Variants in IMMP2L observed in about 807,000 individuals in gnomAD.
IMMP2L encodes the protein inner mitochondrial membrane peptidase subunit 2, also known as mitochondrial inner membrane protease subunit 2.
A neutral mutation model predicts 19.3 loss-of-function variants in IMMP2L; 18 were observed. The ratio of observed to expected loss-of-function variants is 0.93; its 90% CI spans 0.64 to 1.38. The LOEUF is 1.38. IMMP2L is among the 40% of genes most tolerant of loss of function. The pLI is 0.00. For synonymous variants in IMMP2L, 76 were observed against 73.0 expected (o/e 1.04, Z -0.21); for missense variants, 233 against 218.2 (o/e 1.07, Z -0.43).
chr7:111,362,085 G>T (rs769458239), intron 3 of IMMP2L, among the ~76,000 whole-genome samples: 3 of 151,838 alleles, frequency 2.0e-5, no homozygotes, highest in Non-Finnish European at 2.9e-5. Flanking sequence ...AGTCTTTTAA[G>T]AGTACCAAAG....
At chr7:111,446,669 C>T (rs933512698) in intron 3 of IMMP2L, among the ~76,000 whole-genome samples, 7 of 152,220 alleles carry the variant, frequency 4.6e-5, no homozygotes, top group South Asian at 2.1e-4. Flanking sequence ...TCCAAAGGAA[C>T]GCAGTTCCTC....
intron 3 of IMMP2L, among the ~76,000 whole-genome samples, chr7:111,128,792 G>A (rs1211491144): frequency 6.6e-6 from 1 of 152,120 alleles, no homozygotes; most frequent in African/African-American, 2.4e-5. Context: ...ACCACTGCAT[G>A]CCACGCTGGC....
chr7:110,998,896 A>G (rs2129560832), intron 3 of IMMP2L, among the ~76,000 whole-genome samples: 1 of 152,286 alleles, frequency 6.6e-6, no homozygotes, highest in South Asian at 2.1e-4. Flanking sequence ...ACAAACTTAC[A>G]GCAATCTTCA....
intron 3 of IMMP2L, among the ~76,000 whole-genome samples, chr7:111,166,899 C>A (rs933054715): frequency 6.6e-6 from 1 of 151,962 alleles, no homozygotes; most frequent in African/African-American, 2.4e-5. Context: ...TAGAGCCCAC[C>A]TGGATAATCC....
At chr7:111,561,509 T>C (rs1396706511) in intron 1 of IMMP2L, among the ~76,000 whole-genome samples, 1 of 152,040 alleles carries the variant, frequency 6.6e-6, no homozygotes, top group Non-Finnish European at 1.5e-5. Context: ...CAGGGATTAG[T>C]CAAAGCTGGC....
At chr7:111,235,797 A>C (rs1201150088) in intron 3 of IMMP2L, among the ~76,000 whole-genome samples, 1 of 151,844 alleles carries the variant, frequency 6.6e-6, no homozygotes, top group African/African-American at 2.4e-5. Context: ...CCTCCTCTTC[A>C]GCAACTTGAA....
chr7:111,402,991 A>ACCCCCCCCC (rs781654530), intron 3 of IMMP2L, among the ~76,000 whole-genome samples: 2 of 45,504 alleles, frequency 4.4e-5, no homozygotes, highest in African/African-American at 1.1e-4. Context: ...TGCAGCCTTG[A>ACCCCCCCCC]CCCCCCCCCC....
intron 3 of IMMP2L, among the ~76,000 whole-genome samples, chr7:111,218,927 C>T (rs1812239115): frequency 6.6e-6 from 1 of 151,786 alleles, no homozygotes; most frequent in Admixed American, 6.6e-5. Flanking sequence ...TCTTAAAATC[C>T]CAGAGTTCTG....
chr7:111,503,938 C>A (rs1023132147), intron 2 of IMMP2L, among the ~76,000 whole-genome samples: 4 of 152,146 alleles, frequency 2.6e-5, no homozygotes, highest in African/African-American at 9.6e-5. Flanking sequence ...TCTCACCACT[C>A]CTATTCAACA....
chr7:110,916,923 A>AT (rs1813674675), intron 4 of IMMP2L, among the ~76,000 whole-genome samples: 1 of 152,196 alleles, frequency 6.6e-6, no homozygotes, highest in Non-Finnish European at 1.5e-5. Context: ...TGCAGTTGGT[A>AT]TAGTGGTCCC....
intron 3 of IMMP2L, among the ~76,000 whole-genome samples, chr7:111,272,053 T>C (rs1039781148): frequency 1.3e-5 from 2 of 152,178 alleles, no homozygotes; most frequent in African/African-American, 4.8e-5. Context: ...CTGTTTTCTG[T>C]AATGCAGACA....
chr7:111,332,748 T>G (rs778351951), intron 3 of IMMP2L, among the ~76,000 whole-genome samples: 3 of 152,068 alleles, frequency 2.0e-5, no homozygotes, highest in Non-Finnish European at 4.4e-5. Flanking sequence ...TCACAAAAAC[T>G]GATCATATAT....
At chr7:110,875,619 C>T (rs75075410) in intron 5 of IMMP2L, among the ~76,000 whole-genome samples, 138 of 152,218 alleles carry the variant, frequency 9.1e-4, no homozygotes, top group African/African-American at 3.2e-3. Flanking sequence ...CATTTGCCTG[C>T]AGCTTCCCAG....
chr7:111,115,634 C>T (rs1282678390), intron 3 of IMMP2L, among the ~76,000 whole-genome samples: 3 of 151,612 alleles, frequency 2.0e-5, no homozygotes, highest in South Asian at 4.2e-4. Context: ...GAGACATTTG[C>T]AATTATTTTT....
At chr7:111,054,429 C>T (rs1166652608) in intron 3 of IMMP2L, among the ~76,000 whole-genome samples, 6 of 152,168 alleles carry the variant, frequency 3.9e-5, no homozygotes, top group African/African-American at 1.4e-4. Flanking sequence ...CCAATTAAAC[C>T]ATTTGCAGTC....
intron 3 of IMMP2L, among the ~76,000 whole-genome samples, chr7:110,967,723 GT>G (rs1332730308): frequency 6.6e-6 from 1 of 151,970 alleles, no homozygotes; most frequent in Non-Finnish European, 1.5e-5. Flanking sequence ...ACAAGAGAAT[GT>G]TTTTCACTAT....
In IMMP2L at chr7:110,802,331, ATGTGTGTGTGTG is replaced by A. The variant is rs10545848; in HGVS notation, c.408+84250_408+84261del. 9.9e-3 allele frequency among the ~76,000 whole-genome samples: 1,449 copies of A among 146,746 alleles called. 8 individuals carry two copies. The highest frequency in any genetic ancestry group is 0.015 in the Non-Finnish European group (979 of 66,304). On this transcript the variant is annotated intron_variant, in intron 5 of 5. Coordinates refer to ENST00000405709, the MANE Select transcript of IMMP2L (RefSeq NM_032549.4). ...ACAGTGTGTATGTGTGTATGTGTGTATGTGTGTGTGTGTGTGTGTGTGTGTGTGTGTGTGTGT... is the reference window on the plus strand; with the variant it reads ...ACAGTGTGTATGTGTGTATGTGTGTATGTGTGTGTGTGTGTGTGTGTGTGT...
chr7:111,370,195 C>T (rs974050538), intron 3 of IMMP2L, among the ~76,000 whole-genome samples: 1 of 151,988 alleles, frequency 6.6e-6, no homozygotes, highest in South Asian at 2.1e-4. Flanking sequence ...CCTAGTTCTG[C>T]TGCTCTTAAA....
At chr7:111,355,443 T>C (rs1390172926) in intron 3 of IMMP2L, among the ~76,000 whole-genome samples, 2 of 151,726 alleles carry the variant, frequency 1.3e-5, no homozygotes, top group East Asian at 3.9e-4. Flanking sequence ...TAAATTGTAA[T>C]ATTGGGCTTT....
Sources: allele counts gnomAD v4.1 joint callset (sites outside exome capture counted in the v4.1 genomes callset), GRCh38; gene constraint gnomAD v4.1.1; transcripts MANE v1.5; gene names NCBI Gene and HGNC (gene_info 2026-07-23, HGNC 2026-07-21).